Variants in TSHZ3 observed in about 807,000 individuals in gnomAD.
TSHZ3 encodes the protein teashirt homolog 3.
In TSHZ3, 10 loss-of-function variants were observed where a neutral mutation model predicts 64.5. The ratio of observed to expected loss-of-function variants is 0.16; its 90% confidence interval spans 0.10 to 0.26. The LOEUF (loss-of-function observed/expected upper bound fraction) is 0.26. Among genes scored for constraint, TSHZ3 ranks in the 10% least tolerant of loss-of-function variants. The pLI, the probability that TSHZ3 is intolerant of heterozygous loss-of-function variation, is 1.00. For missense variants in TSHZ3, 1,242 were observed against 1,421.7 expected (o/e 0.87, Z 2.03); for synonymous variants, 608 against 593.1 (o/e 1.03, Z -0.36).
At chr19:31,260,925 AGCACCTTCT>A (rs1219229207) in intron 1 of TSHZ3, among the ~76,000 whole-genome samples, 1 of 152,232 alleles carries the variant, frequency 6.6e-6, no homozygotes, top group African/African-American at 2.4e-5. Context: ...AAGTTTTCTC[AGCACCTTCT>A]GTGTGCCAAG....
At chr19:31,320,580 C>G (rs752080231) in intron 1 of TSHZ3, among the ~76,000 whole-genome samples, 5 of 152,156 alleles carry the variant, frequency 3.3e-5, no homozygotes, top group Non-Finnish European at 5.9e-5. Context: ...ATGTGTCCTT[C>G]TCGGGAGAAG....
At chr19:31,254,028 C>T (rs1225334543) in intron 1 of TSHZ3, among the ~76,000 whole-genome samples, 1 of 152,140 alleles carries the variant, frequency 6.6e-6, no homozygotes, top group Admixed American at 6.5e-5. Context: ...CCTCCCCACC[C>T]CCATCTACAG....
In TSHZ3 at chr19:31,279,378, G is replaced by T. The variant is rs551011001; in HGVS notation, c.415C>A (p.His139Asn). ...SYWSNLNLNL[H>N]QPSSEKNNGS... The stretch of plus-strand genomic sequence containing the variant: ...TTGTTCTTCTCCGAGGAGGGCTGGT[G>T]CAGGTTGAGGTTGAGGTTGGACCAG... The change falls in exon 2 of 2, where the codon CAC (histidine) becomes AAC (asparagine). Residue 139 changes from histidine (H) to asparagine (N), a missense_variant. This residue lies in a region of TSHZ3 where 555 missense variants were observed against 704.0 expected (regional missense o/e 0.79). Transcript: ENST00000240587. This position sits in a 1 kb window ranked among gnomAD's most constrained non-coding sequence, Gnocchi z 6.4. 6.2e-7 allele frequency: 1 copy of T among 1,614,206 alleles called. No individual in the cohort carries two copies. The highest frequency in any genetic ancestry group is 1.3e-5 in the African/African-American group (1 of 75,048).
intron 4 of TSHZ3, among the ~76,000 whole-genome samples, chr19:31,216,282 T>A (rs1321884494): frequency 6.6e-6 from 1 of 152,152 alleles, no homozygotes; most frequent in East Asian, 1.9e-4. Context: ...TGTCTCAAGC[T>A]GAGCACACAA....
At chr19:31,322,885 T>C (rs527358269) in intron 1 of TSHZ3, among the ~76,000 whole-genome samples, 2 of 152,358 alleles carry the variant, frequency 1.3e-5, no homozygotes, top group Admixed American at 6.5e-5. Flanking sequence ...AGCTCTCTGA[T>C]ACAAGATAAC....
chr19:31,331,993 G>T (rs1320049328), intron 1 of TSHZ3, among the ~76,000 whole-genome samples: 1 of 152,164 alleles, frequency 6.6e-6, no homozygotes, highest in Non-Finnish European at 1.5e-5. Flanking sequence ...AACCAAGGGT[G>T]TTCCCTTCTC....
chr19:31,290,103 G>A (rs1599628738), intron 1 of TSHZ3, among the ~76,000 whole-genome samples: 1 of 152,126 alleles, frequency 6.6e-6, no homozygotes, highest in Non-Finnish European at 1.5e-5. Flanking sequence ...TGTGTCTGAC[G>A]CCACCCGATT....
At position 31,171,639 on chromosome 19, in the gene TSHZ3, C is replaced by T. The variant is rs569755347; in HGVS notation, n.810-15222G>A. Among the ~76,000 whole-genome samples, 22 of 151,876 alleles carry T rather than the reference C, an allele frequency of 1.4e-4. No individual in the cohort carries two copies. The South Asian group carries it at 4.4e-3, about 30-fold the overall frequency. On this transcript the variant is annotated intron_variant and non_coding_transcript_variant, in intron 5 of 6. Transcript: ENST00000651361. Reference sequence around the variant, plus strand: ...AAAAAAAAACCCATAAACCTCAGTTCTATGGGACAATTAGGCCTGTTTCAA... The same window carrying T: ...AAAAAAAAACCCATAAACCTCAGTTTTATGGGACAATTAGGCCTGTTTCAA...
chr19:31,186,201 G>A (rs1377837021), intron 5 of TSHZ3, among the ~76,000 whole-genome samples: 1 of 152,102 alleles, frequency 6.6e-6, no homozygotes, highest in African/African-American at 2.4e-5. Context: ...TGGAATTGCT[G>A]GGCTCTAGGG....
chr19:31,179,040 G>C (rs1421927333), intron 5 of TSHZ3, among the ~76,000 whole-genome samples: 1 of 151,930 alleles, frequency 6.6e-6, no homozygotes, highest in East Asian at 1.9e-4. Context: ...TGATGATGAT[G>C]ATGATGATGA....
chr19:31,165,535 C>T (rs2145108285), intron 5 of TSHZ3, among the ~76,000 whole-genome samples: 1 of 152,152 alleles, frequency 6.6e-6, no homozygotes, highest in Non-Finnish European at 1.5e-5. Flanking sequence ...AACGAAGAAA[C>T]AAAAACTGTG....
At chr19:31,230,394 C>T (rs545657870) in intron 3 of TSHZ3, among the ~76,000 whole-genome samples, 28 of 152,128 alleles carry the variant, frequency 1.8e-4, no homozygotes, top group Non-Finnish European at 2.4e-4. Flanking sequence ...TATCTCTGGG[C>T]GGCAAAAGTG....
chr19:31,252,312 G>C (rs528911298), intron 1 of TSHZ3, among the ~76,000 whole-genome samples: 1 of 151,942 alleles, frequency 6.6e-6, no homozygotes, highest in Non-Finnish European at 1.5e-5. Context: ...TTCGCTCCAC[G>C]GTCTCTCCCT....
intron 5 of TSHZ3, among the ~76,000 whole-genome samples, chr19:31,184,082 T>C (rs1257083932): frequency 6.6e-6 from 1 of 152,132 alleles, no homozygotes; most frequent in African/African-American, 2.4e-5. Flanking sequence ...ACATTCAAAA[T>C]TAGCTCGGTA....
chr19:31,247,858 G>A (rs1359154094), intron 1 of TSHZ3, among the ~76,000 whole-genome samples: 2 of 69,142 alleles, frequency 2.9e-5, no homozygotes, highest in Middle Eastern at 9.4e-3. Flanking sequence ...CAATTACAGT[G>A]TGTGTGTGTG....
At chr19:31,198,063 A>C (rs962802028) in intron 5 of TSHZ3, among the ~76,000 whole-genome samples, 1 of 152,150 alleles carries the variant, frequency 6.6e-6, no homozygotes, top group African/African-American at 2.4e-5. Flanking sequence ...ATTATTAAAA[A>C]ATTGAATCCA....
At chr19:31,300,841 G>T (rs536894834) in intron 1 of TSHZ3, among the ~76,000 whole-genome samples, 38 of 152,122 alleles carry the variant, frequency 2.5e-4, no homozygotes, top group Non-Finnish European at 4.6e-4. Flanking sequence ...TTACAAGATT[G>T]ATAATGACAA....
intron 5 of TSHZ3, among the ~76,000 whole-genome samples, chr19:31,158,158 C>T (rs997869540): frequency 2.0e-5 from 3 of 152,170 alleles, no homozygotes; most frequent in Non-Finnish European, 4.4e-5. Context: ...AGTCTGTGCC[C>T]TCCAAAACCA....
At chr19:31,164,566 G>A (rs918578496) in intron 5 of TSHZ3, among the ~76,000 whole-genome samples, 1 of 152,166 alleles carries the variant, frequency 6.6e-6, no homozygotes, top group South Asian at 2.1e-4. Context: ...TGTGCTAGGA[G>A]CCAGAGCCTC....
Sources: allele counts gnomAD v4.1 joint callset (sites outside exome capture counted in the v4.1 genomes callset), GRCh38; gene constraint gnomAD v4.1.1; regional missense constraint gnomAD v4.1.1; non-coding constraint Gnocchi (gnomAD v3.1); transcripts MANE v1.5; gene names NCBI Gene and HGNC (gene_info 2026-07-23, HGNC 2026-07-21).